The following NRP2 variants were observed in gnomAD, a reference collection of about 807,000 sequenced individuals.
NRP2 encodes neuropilin-2.
NRP2 carries 52 observed loss-of-function variants against 110.4 expected under a neutral mutation model. The observed-to-expected ratio is 0.47, with a 90% CI of 0.38 to 0.59. NRP2 has a LOEUF of 0.59. NRP2 is among the 20% of genes least tolerant of loss of function. The probability of loss-of-function intolerance (pLI) is 0.00; values close to 1 mark genes in which losing one functional copy is unlikely to be tolerated. For synonymous variants in NRP2, 508 were observed against 468.9 expected, an observed-to-expected ratio of 1.08 and a Z score of -1.08; for missense variants, 1,049 against 1,203.0, an observed-to-expected ratio of 0.87 and a Z score of 1.89.
intron 3 of NRP2, among the ~76,000 whole-genome samples, chr2:205,719,557 G>T (rs967640301): frequency 1.3e-5 from 2 of 151,752 alleles, no homozygotes; most frequent in Admixed American, 1.3e-4. Context: ...TGTGTGTTTG[G>T]TTTTTTCCAG....
chr2:205,738,797 C>A (rs1234619506), intron 7 of NRP2, among the ~76,000 whole-genome samples: 1 of 152,104 alleles, frequency 6.6e-6, no homozygotes, highest in African/African-American at 2.4e-5. Context: ...AGGCTGGGTG[C>A]GCAGGGGGCA....
Position 205,787,064 on chromosome 2 carries a change from C to T in NRP2, c.2426-5171C>T, listed in dbSNP as rs550348539. ...AAAGAACCCTCATCAGAAAGGCCCTCGTACCTTTCTCATTTCCTTCCTGTA... is the reference window on the plus strand; with the variant it reads ...AAAGAACCCTCATCAGAAAGGCCCTTGTACCTTTCTCATTTCCTTCCTGTA... On this transcript the variant is annotated intron_variant, in intron 15 of 16. Coordinates refer to ENST00000357785, the MANE Select transcript of NRP2 (RefSeq NM_003872.3). Among the ~76,000 whole-genome samples the T allele has an allele frequency of 4.7e-4, 72 of 152,272 alleles. 3 individuals carry two copies. Among genetic ancestry groups the T allele is most frequent in the Admixed American group, 2.7e-3 (41 of 15,290 alleles).
chr2:205,749,248 G>A (rs1301958079), intron 10 of NRP2, among the ~76,000 whole-genome samples: 1 of 152,134 alleles, frequency 6.6e-6, no homozygotes, highest in African/African-American at 2.4e-5. Context: ...ACTTACAGTA[G>A]GTGTTTGGAT....
At chr2:205,755,108 C>T (rs1250477573) in intron 12 of NRP2, among the ~76,000 whole-genome samples, 2 of 152,162 alleles carry the variant, frequency 1.3e-5, no homozygotes, top group African/African-American at 2.4e-5. Context: ...CGTTCACCAC[C>T]GCCTCCTCCT....
chr2:205,733,810 C>T (rs1177209184), intron 7 of NRP2, among the ~76,000 whole-genome samples: 1 of 151,928 alleles, frequency 6.6e-6, no homozygotes, highest in South Asian at 2.1e-4. Context: ...CACCCCTGAG[C>T]TGCCCTCCTC....
At chr2:205,749,890 G>T in intron 11 of NRP2, 49 bp downstream of exon 11, 1 of 1,435,718 alleles carries the variant, frequency 7.0e-7, no homozygotes, top group Non-Finnish European at 9.8e-7. Context: ...TAGTCAGAGT[G>T]GGAGCTGGCC....
At chr2:205,736,516 A>G (rs1365439527) in intron 7 of NRP2, among the ~76,000 whole-genome samples, 2 of 152,164 alleles carry the variant, frequency 1.3e-5, no homozygotes, top group Non-Finnish European at 2.9e-5. Flanking sequence ...TGAAGGTGGG[A>G]CTTGGGAGTA....
At chr2:205,794,013 A>G (rs954234789) in intron 16 of NRP2, among the ~76,000 whole-genome samples, 7 of 152,228 alleles carry the variant, frequency 4.6e-5, no homozygotes, top group Admixed American at 2.6e-4. Flanking sequence ...AGGGATGTAG[A>G]GGTTGCCTTG....
At chr2:205,700,529 C>A (rs2056530089) in intron 2 of NRP2, among the ~76,000 whole-genome samples, 1 of 152,188 alleles carries the variant, frequency 6.6e-6, no homozygotes, top group African/African-American at 2.4e-5. Flanking sequence ...GCAAAGATTG[C>A]CCCAAAGCCT....
chr2:205,748,866 G>A (rs759053029), intron 10 of NRP2, among the ~76,000 whole-genome samples: 2 of 152,144 alleles, frequency 1.3e-5, no homozygotes, highest in African/African-American at 2.4e-5. Context: ...AATGAATGAC[G>A]GGCATGAGCA....
At chr2:205,720,957 G>A (rs1241611143) in intron 3 of NRP2, among the ~76,000 whole-genome samples, 1 of 152,220 alleles carries the variant, frequency 6.6e-6, no homozygotes, top group African/African-American at 2.4e-5. Context: ...TGTGTTCCTA[G>A]TCCCTACCCT....
chr2:205,726,258 G>T (rs895195428), intron 6 of NRP2, among the ~76,000 whole-genome samples, 176 bp downstream of exon 6: 3 of 152,200 alleles, frequency 2.0e-5, no homozygotes, highest in African/African-American at 7.2e-5. Context: ...TTACATGCTG[G>T]CATACACTGA....
chr2:205,697,491 G>A, intron 1 of NRP2, 53 bp from the exon 2 acceptor site: 1 of 1,504,892 alleles, frequency 6.6e-7, no homozygotes, highest in Non-Finnish European at 9.3e-7. Context: ...AGTGTGGGGG[G>A]AAGAAAGTTG....
chr2:205,775,144 G>A (rs1056433186), intron 15 of NRP2, among the ~76,000 whole-genome samples: 1 of 152,162 alleles, frequency 6.6e-6, no homozygotes, highest in Non-Finnish European at 1.5e-5. Context: ...TTTTTCATAG[G>A]AGAAGCATAT....
rs11280948 is a variant in NRP2, at chr2:205,795,361, G to GTAT, written c.*331_*333dup. 0.4 allele frequency: 58,820 copies of GTAT among 146,270 alleles called. 12,057 individuals carry two copies. The highest frequency in any genetic ancestry group is 0.63 in the South Asian group (2,859 of 4,572). The allele number at this position is 146,270 out of a possible 1,614,324, so 9.1% of individuals were successfully genotyped here. A position where few individuals can be genotyped will look rare whatever the true frequency, so the allele number is the denominator to read the frequency against. ...ACAGTTCTATTTTGTTTGTGAGTTTGTATTATTATTATTATTATTATTATT... is the reference window on the plus strand; with the variant it reads ...ACAGTTCTATTTTGTTTGTGAGTTTGTATTATTATTATTATTATTATTATTATT... On this transcript the variant is annotated 3_prime_UTR_variant, in exon 17 of 17. Coordinates refer to ENST00000357785, the MANE Select transcript of NRP2 (RefSeq NM_003872.3).
chr2:205,716,848 T>G (rs956900372), intron 3 of NRP2, among the ~76,000 whole-genome samples: 4 of 152,212 alleles, frequency 2.6e-5, no homozygotes, highest in Non-Finnish European at 5.9e-5. Context: ...ACACCATAGC[T>G]TTTAAATTAA....
chr2:205,695,927 A>G (rs1405406249), intron 1 of NRP2, among the ~76,000 whole-genome samples: 1 of 151,824 alleles, frequency 6.6e-6, no homozygotes, highest in Middle Eastern at 3.2e-3. Context: ...TCTGGGTGGG[A>G]GGGATGAGCT....
intron 3 of NRP2, among the ~76,000 whole-genome samples, chr2:205,721,767 G>T (rs1309954593): frequency 6.6e-6 from 1 of 152,220 alleles, no homozygotes; most frequent in Non-Finnish European, 1.5e-5. Flanking sequence ...ATGCACTGCT[G>T]CATTTTTCCA....
chr2:205,776,239 C>G, intron 15 of NRP2: 1 of 1,611,986 alleles, frequency 6.2e-7, no homozygotes, highest in African/African-American at 1.3e-5. Flanking sequence ...CTGTGTCTCT[C>G]CACCAGGGGG....
Sources: allele counts gnomAD v4.1 joint callset (sites outside exome capture counted in the v4.1 genomes callset), GRCh38; gene constraint gnomAD v4.1.1; transcripts MANE v1.5; gene names NCBI Gene and HGNC (gene_info 2026-07-23, HGNC 2026-07-21).